The following BMPR1B variants were observed in gnomAD, a reference collection of about 807,000 sequenced individuals.
The protein encoded by BMPR1B is bone morphogenetic protein receptor type-1B.
Under a neutral mutation model 59.1 loss-of-function variants are expected in BMPR1B, and 12 were observed. The ratio of observed to expected loss-of-function variants is 0.20; its 90% confidence interval spans 0.13 to 0.33. BMPR1B has a LOEUF of 0.33. Ranked by LOEUF, BMPR1B falls within the 10% of genes least tolerant of loss-of-function variation. The pLI, the probability that BMPR1B is intolerant of heterozygous loss-of-function variation, is 1.00. For missense variants in BMPR1B, 550 were observed against 610.9 expected (o/e 0.90, Z 1.05); for synonymous variants, 237 against 207.3 (o/e 1.14, Z -1.23).
intron 3 of BMPR1B, among the ~76,000 whole-genome samples, chr4:95,053,281 T>TTTGTGTGTGTGTGTGTGTGTGTGTG (rs947790944): frequency 4.5e-5 from 6 of 134,252 alleles, no homozygotes; most frequent in African/African-American, 1.7e-4. Flanking sequence ...TGCAGGGCAC[T>TTTGTGTGTGTGTGTGTGTGTGTGTG]TGTGTGTGTG....
chr4:95,137,264 G>T (rs1006478774), intron 10 of BMPR1B, among the ~76,000 whole-genome samples: 61 of 152,332 alleles, frequency 4.0e-4, no homozygotes, highest in African/African-American at 1.4e-3. Context: ...TTGCACTGTG[G>T]TCTGAGAGAT....
At chr4:95,059,412 G>A (rs1314499777) in intron 3 of BMPR1B, among the ~76,000 whole-genome samples, 1 of 152,100 alleles carries the variant, frequency 6.6e-6, no homozygotes, top group African/African-American at 2.4e-5. Flanking sequence ...TGCCCCGAGT[G>A]AAAAGATGTT....
intron 3 of BMPR1B, among the ~76,000 whole-genome samples, chr4:95,102,984 T>G (rs569850501): frequency 2.0e-5 from 3 of 152,230 alleles, no homozygotes; most frequent in Non-Finnish European, 4.4e-5. Context: ...GACAATCTTC[T>G]CATATGCCAC....
At chr4:94,810,021 C>T (rs549428318) in intron 1 of BMPR1B, among the ~76,000 whole-genome samples, 1 of 152,198 alleles carries the variant, frequency 6.6e-6, no homozygotes, top group Admixed American at 6.5e-5. Context: ...TTTTTTTGAC[C>T]CTAAATGGGT....
intron 2 of BMPR1B, among the ~76,000 whole-genome samples, chr4:94,880,663 G>T (rs1444812471): frequency 7.7e-6 from 1 of 130,598 alleles, no homozygotes; most frequent in Non-Finnish European, 1.6e-5. Flanking sequence ...TTTTGAGACA[G>T]AGTTTCACTC....
At chr4:94,944,197 A>C (rs1729620673) in intron 2 of BMPR1B, among the ~76,000 whole-genome samples, 1 of 152,204 alleles carries the variant, frequency 6.6e-6, no homozygotes, top group East Asian at 1.9e-4. Flanking sequence ...AAAATTCCAA[A>C]ACCTGAAACA....
intron 2 of BMPR1B, among the ~76,000 whole-genome samples, chr4:94,902,233 C>CAA (rs1727848173): frequency 1.1e-5 from 1 of 92,136 alleles, no homozygotes; most frequent in Non-Finnish European, 2.2e-5. Context: ...CACACACACA[C>CAA]ACACACACAC....
chr4:95,102,040 A>G (rs1730863591), intron 3 of BMPR1B, among the ~76,000 whole-genome samples: 1 of 152,198 alleles, frequency 6.6e-6, no homozygotes, highest in Non-Finnish European at 1.5e-5. Flanking sequence ...ATACTTCTGC[A>G]TCAGCATTTT....
At chr4:94,890,552 C>T (rs1446508033) in intron 2 of BMPR1B, among the ~76,000 whole-genome samples, 1 of 152,066 alleles carries the variant, frequency 6.6e-6, no homozygotes, top group African/African-American at 2.4e-5. Flanking sequence ...AGAAGTTGTA[C>T]TAGTCTTCTT....
chr4:94,769,240 A>G (rs1722079672), intron 1 of BMPR1B, among the ~76,000 whole-genome samples: 1 of 152,238 alleles, frequency 6.6e-6, no homozygotes, highest in Admixed American at 6.5e-5. Context: ...TTTATGCAAC[A>G]TGAATGATTT....
chr4:94,925,204 A>G (rs1728839883), intron 2 of BMPR1B, among the ~76,000 whole-genome samples: 1 of 152,092 alleles, frequency 6.6e-6, no homozygotes, highest in Non-Finnish European at 1.5e-5. Flanking sequence ...GATTCCTCCC[A>G]TACCAGCAGC....
intron 4 of BMPR1B, among the ~76,000 whole-genome samples, chr4:95,109,738 G>A (rs1731479177): frequency 1.3e-5 from 2 of 151,364 alleles, no homozygotes; most frequent in Admixed American, 1.3e-4. Context: ...TTAAGTTTTA[G>A]GGGACGTGTG....
intron 6 of BMPR1B, among the ~76,000 whole-genome samples, chr4:95,123,448 G>A (rs1732672062): frequency 6.6e-6 from 1 of 152,024 alleles, no homozygotes; most frequent in African/African-American, 2.4e-5. Flanking sequence ...CATGAGAAGA[G>A]CCTATGAACC....
intron 9 of BMPR1B, among the ~76,000 whole-genome samples, chr4:95,130,612 A>G (rs1360124672): frequency 6.6e-6 from 1 of 151,894 alleles, no homozygotes; most frequent in Non-Finnish European, 1.5e-5. Flanking sequence ...AGTTTGTAAT[A>G]CCATAAAGTA....
chr4:95,011,887 C>T (rs1442098621), intron 3 of BMPR1B, among the ~76,000 whole-genome samples: 1 of 151,932 alleles, frequency 6.6e-6, no homozygotes, highest in Non-Finnish European at 1.5e-5. Context: ...GGCATGGTGG[C>T]ACACACCTGT....
At position 95,067,902 on chromosome 4, in the gene BMPR1B, A is replaced by G. The variant is rs542613659; in HGVS notation, c.-17-36506A>G. On this transcript the variant is annotated intron_variant, in intron 3 of 12. Transcript: ENST00000515059. ...AACGGATAGGTGTGCATCTGACTTA[A>G]AGGGAGGTCTGAATCAAGTTGAGAA... is the stretch of plus-strand genomic sequence containing the variant. 2.6e-5 allele frequency among the ~76,000 whole-genome samples: 4 copies of G among 152,330 alleles called. No homozygotes were observed. The East Asian group carries it at 7.7e-4, about 29-fold the overall frequency.
chr4:95,050,495 C>CCTAAG (rs1157865906), intron 3 of BMPR1B, among the ~76,000 whole-genome samples: 1 of 151,972 alleles, frequency 6.6e-6, no homozygotes, highest in Non-Finnish European at 1.5e-5. Flanking sequence ...TGTTGGGTTT[C>CCTAAG]CTAAGCTAGA....
intron 3 of BMPR1B, among the ~76,000 whole-genome samples, chr4:95,009,863 C>A (rs1302996311): frequency 6.6e-6 from 1 of 152,152 alleles, no homozygotes; most frequent in Non-Finnish European, 1.5e-5. Flanking sequence ...AAAGAAGGAT[C>A]TTTCACTGAA....
chr4:95,033,092 G>A lies in BMPR1B; in HGVS notation c.-18+36958G>A, dbSNP rs144849758. On this transcript the variant is annotated intron_variant, in intron 3 of 12. Transcript: ENST00000515059. ...AGTGACTTTCGTGAGCATATTGGCA[G>A]TTCTTATATCTTCCTAAGAGAAATG... is the stretch of plus-strand genomic sequence containing the variant. Among the ~76,000 whole-genome samples the A allele has an allele frequency of 6.1e-3, 934 of 152,240 alleles. 1 individual carries two copies. The highest frequency in any genetic ancestry group is 0.01 in the Non-Finnish European group (703 of 67,998).
Sources: allele counts gnomAD v4.1 joint callset (sites outside exome capture counted in the v4.1 genomes callset), GRCh38; gene constraint gnomAD v4.1.1; transcripts MANE v1.5; gene names NCBI Gene and HGNC (gene_info 2026-07-23, HGNC 2026-07-21).